The following KLF12 variants were observed in gnomAD, a reference collection of about 807,000 sequenced individuals.
KLF12 encodes the protein KLF transcription factor 12.
Under a neutral mutation model 37.8 loss-of-function variants are expected in KLF12, and 9 were observed. That is an observed-to-expected ratio of 0.24 (90% confidence interval 0.14 to 0.42). KLF12 has a LOEUF of 0.42. KLF12 is among the 10% of genes least tolerant of loss of function. The pLI, the probability that KLF12 is intolerant of heterozygous loss-of-function variation, is 1.00. For synonymous variants in KLF12, 208 were observed against 202.1 expected, an observed-to-expected ratio of 1.03 and a Z score of -0.25; for missense variants, 411 against 516.0, an observed-to-expected ratio of 0.80 and a Z score of 1.97.
At chr13:74,227,073 C>G in the KLF12 span, among the ~76,000 whole-genome samples, 5 of 152,252 alleles carry the variant, frequency 3.3e-5, no homozygotes, top group South Asian at 8.3e-4. Context: ...TAAGCCACTT[C>G]CCATTAATAT....
the KLF12 span, among the ~76,000 whole-genome samples, chr13:74,226,298 C>G: frequency 2.0e-5 from 3 of 152,092 alleles, no homozygotes; most frequent in Non-Finnish European, 2.9e-5. Context: ...ATGGGCAGGA[C>G]TTGCTAATGG....
chr13:73,761,902 T>C (rs1310772771), intron 6 of KLF12, among the ~76,000 whole-genome samples: 1 of 152,128 alleles, frequency 6.6e-6, no homozygotes, highest in South Asian at 2.1e-4. Flanking sequence ...AGAATGAAAT[T>C]CACACGACCA....
At chr13:74,121,874 G>A (rs964067177) in intron 1 of KLF12, among the ~76,000 whole-genome samples, 2 of 151,918 alleles carry the variant, frequency 1.3e-5, no homozygotes, top group African/African-American at 4.8e-5. Flanking sequence ...TCTGGAAAAA[G>A]AAAAAGACTA....
chr13:74,043,685 C>A (rs1893468409), intron 1 of KLF12, among the ~76,000 whole-genome samples: 1 of 152,152 alleles, frequency 6.6e-6, no homozygotes, highest in South Asian at 2.1e-4. Context: ...TTAAGTTTTT[C>A]CCTTAGAATT....
chr13:74,078,920 G>C (rs546305095), intron 1 of KLF12, among the ~76,000 whole-genome samples: 1 of 152,226 alleles, frequency 6.6e-6, no homozygotes, highest in Admixed American at 6.5e-5. Context: ...GTGCAAATAA[G>C]AGACAAAAAC....
intron 6 of KLF12, among the ~76,000 whole-genome samples, chr13:73,749,877 T>C (rs1878627000): frequency 6.6e-6 from 1 of 152,356 alleles, no homozygotes. Context: ...AGGTATTTTG[T>C]AGCATCCTGC....
At chr13:73,753,172 C>T (rs556517123) in intron 6 of KLF12, among the ~76,000 whole-genome samples, 5 of 152,116 alleles carry the variant, frequency 3.3e-5, no homozygotes, top group African/African-American at 7.2e-5. Context: ...ACCCAGACTG[C>T]GGACTACATG....
At chr13:73,931,664 A>T (rs1037122701) in intron 3 of KLF12, among the ~76,000 whole-genome samples, 3 of 152,192 alleles carry the variant, frequency 2.0e-5, no homozygotes, top group Admixed American at 1.3e-4. Context: ...AAAATTGCTG[A>T]TGGTGAAAGA....
intron 3 of KLF12, among the ~76,000 whole-genome samples, chr13:73,896,288 T>C (rs1887766224): frequency 6.6e-6 from 1 of 152,234 alleles, no homozygotes; most frequent in South Asian, 2.1e-4. Context: ...TATTGAACAG[T>C]TAGTTGCCAA....
At chr13:73,832,157 T>C (rs2209726) in intron 4 of KLF12, among the ~76,000 whole-genome samples, 42,852 of 152,002 alleles carry the variant, frequency 0.28, 6,207 homozygotes, top group East Asian at 0.49. Flanking sequence ...GTGTGGGAGG[T>C]GACCTCATGG....
intron 3 of KLF12, among the ~76,000 whole-genome samples, chr13:73,886,435 T>C (rs1887224786): frequency 6.6e-6 from 1 of 152,094 alleles, no homozygotes. Context: ...CAGCTATTTT[T>C]GTGTAAGGTG....
At position 73,886,817 on chromosome 13, in the gene KLF12, C is replaced by T. The variant is rs527525244; in HGVS notation, c.124-40444G>A. ...GACCAGCCTGACCAACATGGAGAAA[C>T]CCAGTCTCTACTAAAAATACAAACA... On this transcript the variant is annotated intron_variant, in intron 3 of 7. Coordinates refer to ENST00000377669, the MANE Select transcript of KLF12 (RefSeq NM_007249.5). Among the ~76,000 whole-genome samples the T allele has an allele frequency of 3.9e-5, 6 of 152,054 alleles. No individual in the cohort carries two copies. The South Asian group carries it at 1.0e-3, about 26-fold the overall frequency.
intron 3 of KLF12, among the ~76,000 whole-genome samples, chr13:73,938,959 A>T (rs1160302463): frequency 1.3e-5 from 2 of 152,210 alleles, no homozygotes; most frequent in Non-Finnish European, 2.9e-5. Flanking sequence ...AGGGTAACAG[A>T]AAGGAATCTG....
At chr13:74,139,857 T>C in the KLF12 span, among the ~76,000 whole-genome samples, 1 of 152,118 alleles carries the variant, frequency 6.6e-6, no homozygotes, top group East Asian at 1.9e-4. Flanking sequence ...ATCTGAACTA[T>C]AGGTATCCTT....
At chr13:74,140,325 C>A in the KLF12 span, among the ~76,000 whole-genome samples, 1 of 151,952 alleles carries the variant, frequency 6.6e-6, no homozygotes, top group African/African-American at 2.4e-5. Flanking sequence ...AAGTTCGAAA[C>A]CAGCCTGAGA....
chr13:73,803,156 GTAGA>G (rs1261831353), intron 5 of KLF12, among the ~76,000 whole-genome samples: 1 of 152,202 alleles, frequency 6.6e-6, no homozygotes, highest in African/African-American at 2.4e-5. Flanking sequence ...GAAAGCATGA[GTAGA>G]TAAAGAGATT....
the KLF12 span, among the ~76,000 whole-genome samples, chr13:74,304,830 A>G: frequency 6.6e-6 from 1 of 152,126 alleles, no homozygotes; most frequent in African/African-American, 2.4e-5. Context: ...GAATACATGC[A>G]TTAGGACCTA....
intron 1 of KLF12, among the ~76,000 whole-genome samples, chr13:74,083,293 A>G (rs1261387042): frequency 6.6e-6 from 1 of 152,202 alleles, no homozygotes; most frequent in Non-Finnish European, 1.5e-5. Context: ...CAGGCGGATC[A>G]CTTGAGCCCA....
At chr13:73,891,712 G>T (rs1452652927) in intron 3 of KLF12, among the ~76,000 whole-genome samples, 1 of 151,974 alleles carries the variant, frequency 6.6e-6, no homozygotes, top group Non-Finnish European at 1.5e-5. Flanking sequence ...CTCAATTTTT[G>T]TCTTCTTCTA....
Sources: allele counts gnomAD v4.1 joint callset (sites outside exome capture counted in the v4.1 genomes callset), GRCh38; gene constraint gnomAD v4.1.1; transcripts MANE v1.5; gene names NCBI Gene and HGNC (gene_info 2026-07-23, HGNC 2026-07-21).